The following TINCR variants were observed in gnomAD, a reference collection of about 807,000 sequenced individuals.
TINCR encodes TINCR-encoded ubiquitin-like protein.
chr19:5,562,331 C>T (rs1438845360), downstream of TINCR: 1 of 152,790 alleles, frequency 6.5e-6, no homozygotes, highest in Non-Finnish European at 1.5e-5. The surrounding 1 kb of genome is among the most constrained non-coding windows in gnomAD (Gnocchi z 4.4). Flanking sequence ...CCTGCCAGGG[C>T]TCACCTCTGA....
rs2052112743 is a variant in TINCR, at chr19:5,563,673, G to T, written c.261-724C>A. ...CTCACGCGTGTAATCCCAGCACTTT[G>T]GGAGGCTGAGGTAGGCAGATCACCT... On this transcript the variant is annotated intron_variant, in intron 1 of 1. Transcript: ENST00000646160. The surrounding 1 kb of genome is among the most constrained non-coding windows in gnomAD (Gnocchi z 4.7). Among the ~76,000 whole-genome samples the T allele has an allele frequency of 2.0e-5, 3 of 152,156 alleles. No individual in the cohort carries two copies. Among genetic ancestry groups the T allele is most frequent in the Admixed American group, 2.0e-4 (3 of 15,272 alleles).
downstream of TINCR, chr19:5,561,272 G>A (rs574043680): frequency 1.9e-5 from 3 of 153,862 alleles, no homozygotes; most frequent in Non-Finnish European, 2.9e-5. Flanking sequence ...GCTCCCTCCC[G>A]ATAGGCTGGG....
intron 1 of TINCR, 42 bp downstream of exon 1, chr19:5,567,623 G>GCCCCCCCCCCCCCCCCCCCCCCCCCCCCC: frequency 3.0e-6 from 1 of 328,350 alleles, no homozygotes; most frequent in Non-Finnish European, 5.5e-6. Context: ...GGGGTCCCCG[G>GCCCCCCCCCCCCCCCCCCCCCCCCCCCCC]CCGCCGCCCC....
intron 1 of TINCR, among the ~76,000 whole-genome samples, chr19:5,564,138 G>A (rs1343986928): frequency 1.3e-5 from 2 of 152,040 alleles, no homozygotes; most frequent in Non-Finnish European, 2.9e-5. Flanking sequence ...TGGCAAGAGA[G>A]GCTGGGGGAG....
chr19:5,564,304 C>T (rs935489439), intron 1 of TINCR, among the ~76,000 whole-genome samples: 1 of 152,222 alleles, frequency 6.6e-6, no homozygotes, highest in South Asian at 2.1e-4. Flanking sequence ...GAGGCCTCCC[C>T]GGCTGCTGCT....
intron 1 of TINCR, among the ~76,000 whole-genome samples, chr19:5,564,100 G>A (rs575280126): frequency 6.6e-6 from 1 of 152,226 alleles, no homozygotes; most frequent in East Asian, 1.9e-4. Context: ...TGTCACTACT[G>A]CATTTCACAG....
intron 1 of TINCR, among the ~76,000 whole-genome samples, chr19:5,564,688 C>T (rs1018927637): frequency 6.6e-6 from 1 of 152,226 alleles, no homozygotes; most frequent in Non-Finnish European, 1.5e-5. Flanking sequence ...AGCGATTCTC[C>T]TGCCTCAGCC....
rs1015720183 is a variant in TINCR at position 5,563,179 on chromosome 19, C to T, written c.261-230G>A. Among the ~76,000 whole-genome samples the T allele has an allele frequency of 6.6e-6, 1 of 151,894 alleles. No homozygotes were observed. Reference sequence around the variant, plus strand: ...AGGGTCTTGCAAGCCTCAGGAAGGACTTGGGCTTTGACCCTGAGGGAGGTG... The same window carrying T: ...AGGGTCTTGCAAGCCTCAGGAAGGATTTGGGCTTTGACCCTGAGGGAGGTG... On this transcript the variant is annotated intron_variant, in intron 1 of 1. Coordinates refer to ENST00000646160, the Ensembl canonical transcript of TINCR. This position sits in a 1 kb window ranked among gnomAD's most constrained non-coding sequence, Gnocchi z 4.7.
At chr19:5,566,659 GAC>G (rs2052131383) in intron 1 of TINCR, among the ~76,000 whole-genome samples, 1 of 150,588 alleles carries the variant, frequency 6.6e-6, no homozygotes, top group South Asian at 2.1e-4. Flanking sequence ...GGGAGAGAGA[GAC>G]ACACACATAC....
At chr19:5,567,606 C>G (rs1202041084) in intron 1 of TINCR, 59 bp downstream of exon 1, 1 of 373,836 alleles carries the variant, frequency 2.7e-6, no homozygotes, top group African/African-American at 2.1e-5. Context: ...TCCCCCGCCG[C>G]TCTCCAGGGG....
In TINCR at chr19:5,565,172, C is replaced by A. The variant is rs1435794519; in HGVS notation, c.261-2223G>T. Among the ~76,000 whole-genome samples the A allele has an allele frequency of 1.3e-5, 2 of 152,144 alleles. No homozygotes were observed. The highest frequency in any genetic ancestry group is 2.9e-5 in the Non-Finnish European group (2 of 68,012). On this transcript the variant is annotated intron_variant, in intron 1 of 1. Coordinates refer to ENST00000646160, the Ensembl canonical transcript of TINCR. The surrounding 1 kb of genome is among the most constrained non-coding windows in gnomAD (Gnocchi z 4.0). ...CCTCCCTCTCTCCCCCTTGCTCCAG[C>A]CACACGGGCCTCCTCGCTGTTCCTC...
At chr19:5,562,596 G>A (rs1599202958), downstream of TINCR, 1 of 152,294 alleles carries the variant, frequency 6.6e-6, no homozygotes, top group South Asian at 2.1e-4. The surrounding 1 kb of genome is among the most constrained non-coding windows in gnomAD (Gnocchi z 4.4). Context: ...TAGAGAAGTC[G>A]GCTGCTGACA....
chr19:5,559,166 C>T (rs1008052914), downstream of TINCR: 1 of 152,174 alleles, frequency 6.6e-6, no homozygotes, highest in East Asian at 1.9e-4. Flanking sequence ...AATGCTTTCT[C>T]CCACCTCCAC....
At chr19:5,566,689 CAG>C (rs954459285) in intron 1 of TINCR, among the ~76,000 whole-genome samples, 11 of 150,192 alleles carry the variant, frequency 7.3e-5, no homozygotes, top group Admixed American at 2.7e-4. Context: ...CAGAGAAAAA[CAG>C]AGACAAAAAT....
exon 1 of TINCR, chr19:5,567,885 A>G: frequency 2.6e-6 from 1 of 389,986 alleles, no homozygotes; most frequent in Non-Finnish European, 4.5e-6. Context: ...TTGATGTGGT[A>G]GCGCTTCCAG....
chr19:5,562,386 G>C (rs2052106277), downstream of TINCR: 1 of 152,570 alleles, frequency 6.6e-6, no homozygotes, highest in African/African-American at 2.4e-5. The surrounding 1 kb of genome is among the most constrained non-coding windows in gnomAD (Gnocchi z 4.4). Flanking sequence ...TAGAGCTCCA[G>C]AAAAATATTC....
chr19:5,561,402 G>A (rs1264614978), downstream of TINCR: 2 of 153,638 alleles, frequency 1.3e-5, no homozygotes, highest in African/African-American at 2.4e-5. Context: ...CCCAGACCCT[G>A]GAACAACAGG....
downstream of TINCR, chr19:5,562,491 G>C (rs968217122): frequency 1.3e-5 from 2 of 152,196 alleles, no homozygotes; most frequent in African/African-American, 4.8e-5. This position sits in a 1 kb window ranked among gnomAD's most constrained non-coding sequence, Gnocchi z 4.4. Context: ...GCCAGGCACT[G>C]AACTGGCAAT....
intron 1 of TINCR, among the ~76,000 whole-genome samples, chr19:5,564,665 G>A (rs1471911131): frequency 2.0e-5 from 3 of 152,158 alleles, no homozygotes; most frequent in East Asian, 1.9e-4. Context: ...TGCAACCTCC[G>A]CCTCCAGGTT....
Sources: allele counts gnomAD v4.1 joint callset (sites outside exome capture counted in the v4.1 genomes callset), GRCh38; gene constraint gnomAD v4.1.1; non-coding constraint Gnocchi (gnomAD v3.1); transcripts MANE v1.5; gene names NCBI Gene and HGNC (gene_info 2026-07-23, HGNC 2026-07-21).